Variants in MYT1L observed in about 807,000 individuals in gnomAD.
MYT1L encodes the protein myelin transcription factor 1-like protein.
In MYT1L, 12 loss-of-function variants were observed where a neutral mutation model predicts 126.7. The ratio of observed to expected loss-of-function variants is 0.09; its 90% confidence interval spans 0.06 to 0.15. The LOEUF (loss-of-function observed/expected upper bound fraction) is 0.15. MYT1L is among the 10% of genes least tolerant of loss of function. The pLI is 1.00. For synonymous variants in MYT1L, 541 were observed against 604.2 expected (o/e 0.90, Z 1.53); for missense variants, 979 against 1,585.2 (o/e 0.62, Z 6.49).
chr2:1,828,110 G>A (rs1478084581), intron 21 of MYT1L: 1 of 152,118 alleles, frequency 6.6e-6, no homozygotes, highest in Admixed American at 6.5e-5. Context: ...TCTAAAACAG[G>A]ACCACACAGA....
Position 2,005,245 on chromosome 2 carries a change from G to T in MYT1L, c.-157-7898C>A, listed in dbSNP as rs72493308. 5.0e-4 allele frequency among the ~76,000 whole-genome samples: 64 copies of T among 127,852 alleles called. 2 individuals are homozygous for T. The highest frequency in any genetic ancestry group is 1.3e-3 in the African/African-American group (42 of 32,424). The allele number at this position is 127,852 out of a possible 152,430, so 83.9% of individuals were successfully genotyped here. ...TTTCCTGCGTGCCTTCTCTCCTGCA[G>T]GCGTTCTTTCCTGCATACGTTCTTT... On this transcript the variant is annotated intron_variant, in intron 4 of 24. Transcript: ENST00000647738.
chr2:2,092,059 C>T (rs150107949), intron 3 of MYT1L, among the ~76,000 whole-genome samples: 253 of 152,300 alleles, frequency 1.7e-3, no homozygotes, highest in African/African-American at 5.7e-3. Context: ...TGAAGTAGCA[C>T]CTTTAATTTC....
intron 14 of MYT1L, among the ~76,000 whole-genome samples, chr2:1,894,755 G>A (rs2049365532): frequency 6.6e-6 from 1 of 152,176 alleles, no homozygotes; most frequent in Non-Finnish European, 1.5e-5. Context: ...GCGTTGGTGA[G>A]GGCGATGCTC....
intron 2 of MYT1L, among the ~76,000 whole-genome samples, chr2:2,245,035 G>A (rs1329349197): frequency 2.0e-5 from 3 of 152,180 alleles, no homozygotes; most frequent in African/African-American, 7.2e-5. Flanking sequence ...TTGGTGTCTA[G>A]CACCCCACTT....
intron 2 of MYT1L, among the ~76,000 whole-genome samples, chr2:2,268,653 G>C (rs1484934746): frequency 1.3e-5 from 2 of 152,122 alleles, no homozygotes; most frequent in East Asian, 1.9e-4. Context: ...AAATCTGCAA[G>C]AGGAGCTCCA....
chr2:2,150,821 T>G (rs1575505968), intron 3 of MYT1L, among the ~76,000 whole-genome samples: 5 of 125,910 alleles, frequency 4.0e-5, no homozygotes, highest in Admixed American at 9.9e-5. Flanking sequence ...AGAGAGGGAG[T>G]GAAGAGGAAA....
chr2:1,810,525 T>C (rs923129447), intron 21 of MYT1L, among the ~76,000 whole-genome samples: 5 of 152,238 alleles, frequency 3.3e-5, no homozygotes, highest in African/African-American at 1.2e-4. Context: ...AAGTGTTAGA[T>C]GGACCGTGTC....
intron 18 of MYT1L, among the ~76,000 whole-genome samples, chr2:1,870,387 A>G (rs2046128088): frequency 6.6e-6 from 1 of 152,148 alleles, no homozygotes; most frequent in Non-Finnish European, 1.5e-5. Flanking sequence ...TGGAAAGGTC[A>G]TGAATGACTC....
At chr2:1,856,089 A>C (rs1253964715) in intron 18 of MYT1L, among the ~76,000 whole-genome samples, 1 of 152,210 alleles carries the variant, frequency 6.6e-6, no homozygotes, top group African/African-American at 2.4e-5. Flanking sequence ...AAAACAAAAC[A>C]AAACAAAACC....
At chr2:2,101,423 C>T (rs1251988810) in intron 3 of MYT1L, among the ~76,000 whole-genome samples, 1 of 152,096 alleles carries the variant, frequency 6.6e-6, no homozygotes, top group Admixed American at 6.6e-5. Flanking sequence ...CTGTGAGTTA[C>T]TTCAGGCATT....
At chr2:1,983,971 G>T (rs1334754429) in intron 5 of MYT1L, among the ~76,000 whole-genome samples, 1 of 152,016 alleles carries the variant, frequency 6.6e-6, no homozygotes, top group African/African-American at 2.4e-5. Flanking sequence ...TTAAAATAAG[G>T]ACGTTTTCTA....
chr2:2,003,988 A>AGCGTTCTTTCCTGCAG (rs1574411471), intron 4 of MYT1L, among the ~76,000 whole-genome samples: 1 of 106,986 alleles, frequency 9.3e-6, no homozygotes, highest in African/African-American at 3.5e-5. Context: ...CTTTCCTGCA[A>AGCGTTCTTTCCTGCAG]GCGTTCTTTC....
At chr2:1,896,921 AAG>A (rs1324621276) in intron 14 of MYT1L, among the ~76,000 whole-genome samples, 6 of 152,156 alleles carry the variant, frequency 3.9e-5, no homozygotes, top group African/African-American at 1.4e-4. Flanking sequence ...AATTATCCTG[AAG>A]TTATAAAATG....
At chr2:2,134,306 T>A (rs2082760755) in intron 3 of MYT1L, among the ~76,000 whole-genome samples, 1 of 152,158 alleles carries the variant, frequency 6.6e-6, no homozygotes, top group African/African-American at 2.4e-5. Flanking sequence ...CCTCCAAACT[T>A]TGTTCCTACT....
chr2:2,000,592 C>A (rs780151285), intron 4 of MYT1L, among the ~76,000 whole-genome samples: 4 of 152,132 alleles, frequency 2.6e-5, no homozygotes, highest in Non-Finnish European at 5.9e-5. Context: ...CGCTCCTCTG[C>A]CCTCCCAATA....
intron 3 of MYT1L, among the ~76,000 whole-genome samples, chr2:2,172,260 T>C (rs1360933853): frequency 6.6e-6 from 1 of 152,076 alleles, no homozygotes. Flanking sequence ...ACCAGTTCCT[T>C]CTGCTGCAAG....
chr2:2,145,556 C>T (rs11883587), intron 3 of MYT1L, among the ~76,000 whole-genome samples: 2 of 151,770 alleles, frequency 1.3e-5, no homozygotes, highest in South Asian at 4.2e-4. Flanking sequence ...AGAGCTCATT[C>T]TAAAGTAAAA....
At chr2:1,831,791 G>T (rs911820871) in intron 21 of MYT1L, among the ~76,000 whole-genome samples, 2 of 151,996 alleles carry the variant, frequency 1.3e-5, no homozygotes, top group South Asian at 4.2e-4. Context: ...CGGCCTCTCC[G>T]CCTCCACCTG....
chr2:2,163,891 T>A (rs897903838), intron 3 of MYT1L, among the ~76,000 whole-genome samples: 12 of 152,146 alleles, frequency 7.9e-5, no homozygotes, highest in Non-Finnish European at 5.9e-5. Flanking sequence ...AGGTGTAAAT[T>A]TTATGTCTGT....
Sources: gnomAD v4.1 joint callset for allele counts (sites outside exome capture counted in the v4.1 genomes callset) on GRCh38, gnomAD v4.1.1 for gene constraint, MANE v1.5 for transcripts, NCBI Gene and HGNC (gene_info 2026-07-23, HGNC 2026-07-21) for gene names.